CSMD1: variants seen among roughly 807,000 people sequenced by gnomAD.
The protein encoded by CSMD1 is CUB and Sushi multiple domains 1.
A neutral mutation model predicts 417.5 loss-of-function variants in CSMD1; 213 were observed. The observed-to-expected ratio is 0.51, with a 90% confidence interval of 0.46 to 0.57. The LOEUF is 0.57. Ranked by LOEUF, CSMD1 falls within the 20% of genes least tolerant of loss-of-function variation. The probability of loss-of-function intolerance (pLI) is 0.00; values close to 1 mark genes in which losing one functional copy is unlikely to be tolerated. For missense variants in CSMD1, 6,923 were observed against 4,529.7 expected (o/e 1.53, Z -15.17); for synonymous variants, 2,862 against 1,736.8 (o/e 1.65, Z -16.11).
intron 4 of CSMD1, among the ~76,000 whole-genome samples, chr8:4,023,344 G>C (rs573002209): frequency 2.0e-5 from 3 of 152,154 alleles, no homozygotes; most frequent in African/African-American, 7.2e-5. Context: ...CATTAATACT[G>C]TATTAATGAA....
chr8:3,231,031 A>G (rs1469868363), intron 26 of CSMD1, among the ~76,000 whole-genome samples: 1 of 152,060 alleles, frequency 6.6e-6, no homozygotes, highest in East Asian at 1.9e-4. Flanking sequence ...ATCACCTCCC[A>G]TATGCAGCCA....
chr8:4,186,906 G>T (rs551935396), intron 3 of CSMD1, among the ~76,000 whole-genome samples: 2 of 151,916 alleles, frequency 1.3e-5, no homozygotes, highest in African/African-American at 4.8e-5. Flanking sequence ...TGAGGCAGGA[G>T]AATCACCTGA....
intron 3 of CSMD1, among the ~76,000 whole-genome samples, chr8:4,187,676 CAAAAAAA>C (rs34858860): frequency 2.3e-5 from 2 of 88,510 alleles, no homozygotes; most frequent in African/African-American, 4.5e-5. Context: ...AACTCCGTCT[CAAAAAAA>C]AAAAAAAAAA....
chr8:4,146,977 G>C (rs1804174970), intron 3 of CSMD1, among the ~76,000 whole-genome samples: 1 of 151,914 alleles, frequency 6.6e-6, no homozygotes, highest in African/African-American at 2.4e-5. Context: ...TCAGGTAAGA[G>C]CTCCGCCAGC....
intron 7 of CSMD1, among the ~76,000 whole-genome samples, chr8:3,655,603 C>G: frequency 6.6e-6 from 1 of 151,888 alleles, no homozygotes; most frequent in East Asian, 1.9e-4. Flanking sequence ...CCCACCAGGC[C>G]CCTCAGGCAG....
At chr8:3,661,735 G>A (rs191373529) in intron 7 of CSMD1, among the ~76,000 whole-genome samples, 62 of 152,202 alleles carry the variant, frequency 4.1e-4, no homozygotes, top group African/African-American at 1.4e-3. Context: ...GACCTCAAGT[G>A]ATTCACCCGC....
In CSMD1 at chr8:2,973,213, G is replaced by A. The variant is rs1431976322; in HGVS notation, c.8827C>T (p.Arg2943Cys). The A allele has an allele frequency of 7.4e-6, 12 of 1,613,838 alleles. No individual in the cohort carries two copies. Among genetic ancestry groups the A allele is most frequent in the Non-Finnish European group, 8.5e-6 (10 of 1,179,840 alleles). ...GDDFKTKSLL[R>C]FSCEMGHQLR... Reference sequence around the variant, plus strand: ...TGGTGCCCCATTTCACAGGAGAAGCGGAGAAGACTCTTTGTCTTAAAGTCA... The same window carrying A: ...TGGTGCCCCATTTCACAGGAGAAGCAGAGAAGACTCTTTGTCTTAAAGTCA... The change falls in exon 57 of 70, where the codon CGC becomes TGC. Residue 2943 changes from arginine to cysteine, a missense_variant. By Grantham distance (180) the Arg-to-Cys change is radical. Transcript: ENST00000635120.
chr8:3,373,899 G>C (rs1017846670), intron 18 of CSMD1, among the ~76,000 whole-genome samples: 1 of 152,008 alleles, frequency 6.6e-6, no homozygotes, highest in Non-Finnish European at 1.5e-5. Flanking sequence ...GAACAAAAGA[G>C]GAGACATACG....
chr8:3,835,028 C>T (rs867773671), intron 5 of CSMD1, among the ~76,000 whole-genome samples: 1 of 151,958 alleles, frequency 6.6e-6, no homozygotes, highest in Non-Finnish European at 1.5e-5. Flanking sequence ...ACACCATCTC[C>T]CACCAGTTAG....
intron 4 of CSMD1, among the ~76,000 whole-genome samples, chr8:4,008,613 T>TA (rs1221792430): frequency 5.8e-4 from 77 of 133,242 alleles, no homozygotes; most frequent in African/African-American, 2.1e-3. Flanking sequence ...TTTTTTTTTT[T>TA]TTTTTTTTTT....
intron 3 of CSMD1, among the ~76,000 whole-genome samples, chr8:4,356,803 C>A (rs986980317): frequency 3.3e-5 from 5 of 152,200 alleles, no homozygotes; most frequent in African/African-American, 1.2e-4. Flanking sequence ...GGCCCAGCCC[C>A]TGACCGACTT....
At chr8:3,626,202 C>A (rs1167358869) in intron 7 of CSMD1, among the ~76,000 whole-genome samples, 1 of 152,224 alleles carries the variant, frequency 6.6e-6, no homozygotes. Context: ...TGCAGAGTGA[C>A]TGTCACCTGG....
chr8:3,536,362 T>A (rs1585322591), intron 10 of CSMD1, among the ~76,000 whole-genome samples: 1 of 152,328 alleles, frequency 6.6e-6, no homozygotes, highest in East Asian at 1.9e-4. Context: ...TAAGTGAGGG[T>A]GTCAGAATTC....
intron 6 of CSMD1, among the ~76,000 whole-genome samples, chr8:3,709,208 T>G (rs145464971): frequency 3.3e-5 from 5 of 152,066 alleles, no homozygotes; most frequent in African/African-American, 1.2e-4. Flanking sequence ...CTTGTGATTA[T>G]AGAATATAAA....
At chr8:4,866,452 C>G (rs1357962932) in intron 1 of CSMD1, among the ~76,000 whole-genome samples, 1 of 151,868 alleles carries the variant, frequency 6.6e-6, no homozygotes, top group African/African-American at 2.4e-5. Context: ...GTTCTATTCT[C>G]TTTTGTTTTT....
intron 3 of CSMD1, among the ~76,000 whole-genome samples, chr8:4,215,716 G>A (rs1349502560): frequency 2.0e-5 from 3 of 151,982 alleles, no homozygotes; most frequent in Non-Finnish European, 4.4e-5. Flanking sequence ...AAACTCAAAT[G>A]TACATGTGAA....
At chr8:3,393,922 G>A (rs1585098483) in intron 17 of CSMD1, among the ~76,000 whole-genome samples, 2 of 146,246 alleles carry the variant, frequency 1.4e-5, no homozygotes, top group South Asian at 4.4e-4. Flanking sequence ...ACACCAACAT[G>A]GCACATGTAT....
chr8:4,358,829 C>G (rs1432901225), intron 3 of CSMD1, among the ~76,000 whole-genome samples: 2 of 152,062 alleles, frequency 1.3e-5, no homozygotes, highest in Non-Finnish European at 2.9e-5. Context: ...GTAAGAGTGC[C>G]TTGGTTTCAG....
intron 3 of CSMD1, among the ~76,000 whole-genome samples, chr8:4,084,018 C>T (rs1356495734): frequency 2.0e-5 from 3 of 152,042 alleles, no homozygotes; most frequent in African/African-American, 4.8e-5. Context: ...ACAACCCCAT[C>T]AAGAAGTGGG....
Sources: allele counts gnomAD v4.1 joint callset (sites outside exome capture counted in the v4.1 genomes callset), GRCh38; gene constraint gnomAD v4.1.1; transcripts MANE v1.5; gene names NCBI Gene and HGNC (gene_info 2026-07-23, HGNC 2026-07-21).